The following DOCK3 variants were observed in gnomAD, a reference collection of about 807,000 sequenced individuals.
DOCK3 encodes the protein dedicator of cytokinesis protein 3.
A neutral mutation model predicts 265.6 loss-of-function variants in DOCK3; 60 were observed. The ratio of observed to expected loss-of-function variants is 0.23; its 90% CI spans 0.18 to 0.28. DOCK3 has a LOEUF of 0.28. Among genes scored for constraint, DOCK3 ranks in the 10% least tolerant of loss-of-function variants. DOCK3 has a pLI of 1.00. For missense variants in DOCK3, 1,981 were observed against 2,594.3 expected, an observed-to-expected ratio of 0.76 and a Z score of 5.14; for synonymous variants, 881 against 938.0, an observed-to-expected ratio of 0.94 and a Z score of 1.11.
chr3:50,682,253 A>G (rs781364173), intron 1 of DOCK3, among the ~76,000 whole-genome samples: 1 of 152,228 alleles, frequency 6.6e-6, no homozygotes, highest in Non-Finnish European at 1.5e-5. Context: ...ACTTGTTAAT[A>G]CTTTACACTT....
At chr3:51,100,963 TA>T (rs963175531) in intron 9 of DOCK3, among the ~76,000 whole-genome samples, 1 of 150,844 alleles carries the variant, frequency 6.6e-6, no homozygotes, top group African/African-American at 2.4e-5. Context: ...CCTGGCTAAT[TA>T]AAAAAAAATT....
At chr3:51,272,224 A>G (rs2080540072) in intron 24 of DOCK3, among the ~76,000 whole-genome samples, 2 of 152,148 alleles carry the variant, frequency 1.3e-5, no homozygotes, top group Admixed American at 6.5e-5. Context: ...CTGAAACACC[A>G]GCAAAACAAT....
chr3:50,712,618 A>G lies in DOCK3; in HGVS notation c.37+37318A>G, dbSNP rs1024344299. 7.9e-5 allele frequency among the ~76,000 whole-genome samples: 12 copies of G among 152,320 alleles called. No homozygotes were observed. In the South Asian group the frequency reaches 2.3e-3, roughly 29 times the overall value. On this transcript the variant is annotated intron_variant, in intron 1 of 52. Coordinates refer to ENST00000266037, the MANE Select transcript of DOCK3 (RefSeq NM_004947.5). ...CTCCCAAAGTGCTGGGATTACAGGC[A>G]TGAACCACCATGTCCGGCCGCCTCT...
chr3:51,032,743 A>T (rs2108966393), intron 5 of DOCK3, among the ~76,000 whole-genome samples: 1 of 152,220 alleles, frequency 6.6e-6, no homozygotes, highest in Middle Eastern at 3.4e-3. Context: ...CCTTGTCTCT[A>T]AAAATTTAAA....
intron 1 of DOCK3, among the ~76,000 whole-genome samples, chr3:50,732,922 A>G (rs1419068999): frequency 2.6e-5 from 4 of 152,174 alleles, no homozygotes; most frequent in African/African-American, 9.6e-5. Flanking sequence ...ATGGGTTAGA[A>G]GACTCAATAT....
intron 2 of DOCK3, among the ~76,000 whole-genome samples, chr3:50,809,837 C>T (rs2043636018): frequency 6.6e-6 from 1 of 152,098 alleles, no homozygotes; most frequent in African/African-American, 2.4e-5. Context: ...CAGAATCAGG[C>T]AAAACTGAAT....
At chr3:51,348,416 C>A (rs940687216) in intron 38 of DOCK3, among the ~76,000 whole-genome samples, 1 of 152,204 alleles carries the variant, frequency 6.6e-6, no homozygotes, top group African/African-American at 2.4e-5. Flanking sequence ...TCAAATAAAT[C>A]TTTATTGAGT....
chr3:51,036,906 G>T (rs1331030623), intron 5 of DOCK3, among the ~76,000 whole-genome samples: 5 of 152,038 alleles, frequency 3.3e-5, no homozygotes, highest in African/African-American at 9.7e-5. Context: ...CTCTCTCTTT[G>T]CCTGCTGCCA....
chr3:51,149,635 A>C (rs1394817367), intron 10 of DOCK3, among the ~76,000 whole-genome samples: 1 of 152,144 alleles, frequency 6.6e-6, no homozygotes. Flanking sequence ...TATATGCTGG[A>C]TTACATTTAT....
At chr3:51,178,012 A>AT (rs2087056723) in intron 12 of DOCK3, among the ~76,000 whole-genome samples, 1 of 115,004 alleles carries the variant, frequency 8.7e-6, no homozygotes, top group Admixed American at 9.7e-5. Flanking sequence ...AACAAACAAA[A>AT]AAAAACTCAA....
chr3:51,251,960 GC>G (rs1392376574), intron 22 of DOCK3, among the ~76,000 whole-genome samples: 2 of 152,150 alleles, frequency 1.3e-5, no homozygotes, highest in Non-Finnish European at 2.9e-5. Flanking sequence ...GAATGGTATT[GC>G]CTAGGTTTTC....
At chr3:50,980,257 A>G (rs1272903503) in intron 5 of DOCK3, among the ~76,000 whole-genome samples, 1 of 152,212 alleles carries the variant, frequency 6.6e-6, no homozygotes, top group African/African-American at 2.4e-5. Flanking sequence ...GATGTATCAC[A>G]TTTATTGGCT....
chr3:51,149,074 G>T (rs1397327076), intron 10 of DOCK3, among the ~76,000 whole-genome samples: 3 of 152,086 alleles, frequency 2.0e-5, no homozygotes, highest in East Asian at 1.9e-4. Context: ...TTGTAAGTTG[G>T]ATTCCTAGGT....
intron 14 of DOCK3, among the ~76,000 whole-genome samples, chr3:51,222,980 C>T (rs1376425895): frequency 6.6e-6 from 1 of 152,096 alleles, no homozygotes; most frequent in East Asian, 1.9e-4. Flanking sequence ...ACTCTGTCAC[C>T]CAGGCTGAAG....
intron 1 of DOCK3, among the ~76,000 whole-genome samples, chr3:50,751,058 A>G (rs923484678): frequency 3.3e-5 from 5 of 152,210 alleles, no homozygotes; most frequent in Admixed American, 6.5e-5. Flanking sequence ...TCAAATGCAA[A>G]CAATTTTGAT....
intron 12 of DOCK3, among the ~76,000 whole-genome samples, chr3:51,180,225 A>AAACAC (rs1553780900): frequency 7.6e-5 from 11 of 145,586 alleles, no homozygotes; most frequent in Admixed American, 3.8e-4. Context: ...AAAAAAAAAA[A>AAACAC]ACACACACAC....
intron 4 of DOCK3, among the ~76,000 whole-genome samples, chr3:50,914,487 G>T (rs888850425): frequency 6.6e-6 from 1 of 152,064 alleles, no homozygotes; most frequent in African/African-American, 2.4e-5. Context: ...TGTTTAATTT[G>T]CATGTAACTG....
intron 3 of DOCK3, among the ~76,000 whole-genome samples, chr3:50,849,328 C>G (rs1293058951): frequency 6.6e-6 from 1 of 151,852 alleles, no homozygotes; most frequent in Non-Finnish European, 1.5e-5. Flanking sequence ...CGCCACCATG[C>G]CTGGCAAAAA....
chr3:51,206,387 G>A (rs1168786452), intron 12 of DOCK3, among the ~76,000 whole-genome samples: 3 of 152,166 alleles, frequency 2.0e-5, no homozygotes, highest in East Asian at 1.9e-4. Context: ...ACTTGCAGTC[G>A]AGTGAAGTGA....
Sources: gnomAD v4.1 joint callset for allele counts (sites outside exome capture counted in the v4.1 genomes callset) on GRCh38, gnomAD v4.1.1 for gene constraint, MANE v1.5 for transcripts, NCBI Gene and HGNC (gene_info 2026-07-23, HGNC 2026-07-21) for gene names.